The following PACS1 variants were observed in gnomAD, a reference collection of about 807,000 sequenced individuals.
PACS1 encodes PACS-1.
PACS1 carries 24 observed loss-of-function variants against 115.0 expected under a neutral mutation model. That is an observed-to-expected ratio of 0.21 (90% CI 0.15 to 0.29). The LOEUF is 0.29. Ranked by LOEUF, PACS1 falls within the 10% of genes least tolerant of loss-of-function variation. The pLI is 1.00. For missense variants in PACS1, 838 were observed against 1,251.2 expected, an observed-to-expected ratio of 0.67 and a Z score of 4.98; for synonymous variants, 453 against 504.5, an observed-to-expected ratio of 0.90 and a Z score of 1.37.
intron 7 of PACS1, chr11:66,219,505 G>A (rs565016395): frequency 1.5e-6 from 1 of 651,910 alleles, no homozygotes; most frequent in South Asian, 1.5e-5. Context: ...GGGCACAGGG[G>A]GGTGGAGGAC....
intron 1 of PACS1, among the ~76,000 whole-genome samples, chr11:66,167,701 G>A (rs1859639969): frequency 1.3e-5 from 2 of 150,210 alleles, no homozygotes; most frequent in East Asian, 3.9e-4. Flanking sequence ...CTATTTTTAT[G>A]TATGGTGTGA....
At position 66,244,551 on chromosome 11, in the gene PACS1, A is replaced by C. The variant is rs1855883208; in HGVS notation, c.*1271A>C. On this transcript the variant is annotated 3_prime_UTR_variant, in exon 24 of 24. Coordinates refer to ENST00000320580, the MANE Select transcript of PACS1 (RefSeq NM_018026.4). ...TCTTGTCCTCTCACTCCTTCCCAGA[A>C]GTTTTTGCACAGAACTTCATTTTGA... 6.6e-6 allele frequency: 1 copy of C among 152,332 alleles called. No individual in the cohort carries two copies. The highest frequency in any genetic ancestry group is 2.4e-5 in the African/African-American group (1 of 41,432). 9.4% of individuals were successfully genotyped at this position (152,332 alleles called of 1,614,324 possible). A position where few individuals can be genotyped will look rare whatever the true frequency, so the allele number is the denominator to read the frequency against.
chr11:66,134,426 C>T (rs1858791000), intron 1 of PACS1, among the ~76,000 whole-genome samples: 1 of 151,814 alleles, frequency 6.6e-6, no homozygotes, highest in Admixed American at 6.6e-5. Flanking sequence ...GCCACTACAC[C>T]TGGCTAGGTG....
chr11:66,238,234 C>T, intron 19 of PACS1: 1 of 985,344 alleles, frequency 1.0e-6, no homozygotes, highest in South Asian at 4.7e-5. Flanking sequence ...GGTGTCCACA[C>T]CTTAGCACGT....
chr11:66,111,316 G>A (rs1858182035), intron 1 of PACS1, among the ~76,000 whole-genome samples: 2 of 152,328 alleles, frequency 1.3e-5, no homozygotes, highest in South Asian at 4.1e-4. Flanking sequence ...ATTGTTGACT[G>A]CATGTTGTTC....
intron 1 of PACS1, among the ~76,000 whole-genome samples, chr11:66,172,617 C>CA (rs1859764933): frequency 6.6e-6 from 1 of 152,320 alleles, no homozygotes; most frequent in African/African-American, 2.4e-5. Flanking sequence ...GGCAACCTCA[C>CA]AAGAGATCCT....
At chr11:66,169,797 T>C (rs1401040986) in intron 1 of PACS1, among the ~76,000 whole-genome samples, 1 of 150,288 alleles carries the variant, frequency 6.7e-6, no homozygotes, top group Admixed American at 6.6e-5. Context: ...TGGCTAATTA[T>C]TTTTCTTTCT....
rs774096329 is a variant in PACS1 at position 66,232,224 on chromosome 11, C to G, written c.1679C>G (p.Ala560Gly). The G allele has an allele frequency of 6.2e-7, 1 of 1,613,454 alleles. No homozygotes were observed. Among genetic ancestry groups the G allele is most frequent in the African/African-American group, 1.3e-5 (1 of 74,922 alleles). Residue 560 changes from alanine to glycine, a missense_variant, in exon 14 of 24, where the codon GCA becomes GGA. Transcript: ENST00000320580. Reference protein sequence around the residue: ...DQLNQILVSDAALPENVILVN... With the variant: ...DQLNQILVSDGALPENVILVN... Reference sequence around the variant, plus strand: ...CTCAATCAGATCCTGGTGTCAGATGCAGCCCTCCCAGAAAATGTCATTCTG... The same window carrying G: ...CTCAATCAGATCCTGGTGTCAGATGGAGCCCTCCCAGAAAATGTCATTCTG...
intron 1 of PACS1, among the ~76,000 whole-genome samples, chr11:66,090,166 C>T (rs1333398846): frequency 6.6e-6 from 1 of 151,654 alleles, no homozygotes; most frequent in Non-Finnish European, 1.5e-5. Flanking sequence ...TTAGCCATAA[C>T]TTACAGAAAG....
chr11:66,166,979 C>A (rs1859619262), intron 1 of PACS1, among the ~76,000 whole-genome samples: 1 of 150,214 alleles, frequency 6.7e-6, no homozygotes, highest in East Asian at 1.9e-4. Context: ...TGTTTAGCCT[C>A]AAAAGATGAT....
chr11:66,136,424 T>A (rs1346252535), intron 1 of PACS1, among the ~76,000 whole-genome samples: 1 of 151,964 alleles, frequency 6.6e-6, no homozygotes, highest in Non-Finnish European at 1.5e-5. Flanking sequence ...TCATATCCTC[T>A]AACATCCCCA....
At chr11:66,163,363 A>G (rs1010737316) in intron 1 of PACS1, among the ~76,000 whole-genome samples, 9 of 151,964 alleles carry the variant, frequency 5.9e-5, no homozygotes, top group Non-Finnish European at 1.3e-4. Flanking sequence ...AAAAAAAAAA[A>G]AAAAAAAAAG....
chr11:66,186,481 T>C lies in PACS1; in HGVS notation c.357-7005T>C, dbSNP rs147449789. Reference sequence around the variant, plus strand: ...AACTCAGAATTTCAGCCCTCCCCGCTCTCCTCTGCCTCTTGCTCGCAATAC... The same window carrying C: ...AACTCAGAATTTCAGCCCTCCCCGCCCTCCTCTGCCTCTTGCTCGCAATAC... On this transcript the variant is annotated intron_variant, in intron 1 of 23. Coordinates refer to ENST00000320580, the MANE Select transcript of PACS1 (RefSeq NM_018026.4). Among the ~76,000 whole-genome samples the C allele has an allele frequency of 4.3e-4, 66 of 152,252 alleles. No individual in the cohort carries two copies. The East Asian group carries it at 0.012, about 27-fold the overall frequency.
chr11:66,097,426 A>G (rs1451246228), intron 1 of PACS1, among the ~76,000 whole-genome samples: 1 of 152,200 alleles, frequency 6.6e-6, no homozygotes, highest in Non-Finnish European at 1.5e-5. Flanking sequence ...ACAGCCAGCA[A>G]GAGACTGTGG....
intron 1 of PACS1, among the ~76,000 whole-genome samples, chr11:66,141,727 C>T (rs533476324): frequency 8.9e-4 from 135 of 151,758 alleles, no homozygotes; most frequent in Non-Finnish European, 1.6e-3. Flanking sequence ...CAGCCTCCTA[C>T]GTAATGGGCC....
intron 1 of PACS1, among the ~76,000 whole-genome samples, chr11:66,122,466 A>G (rs1163356274): frequency 6.6e-6 from 1 of 152,226 alleles, no homozygotes; most frequent in Non-Finnish European, 1.5e-5. Flanking sequence ...ACATTTTGTA[A>G]GGTTATAGCT....
chr11:66,225,884 C>T (rs1590833173), intron 10 of PACS1, among the ~76,000 whole-genome samples: 3 of 152,062 alleles, frequency 2.0e-5, no homozygotes, highest in South Asian at 4.1e-4. Context: ...TAATGTTGGC[C>T]GAGGCTGGGC....
At chr11:66,237,337 C>T (rs577606371) in intron 19 of PACS1, among the ~76,000 whole-genome samples, 1 of 152,386 alleles carries the variant, frequency 6.6e-6, no homozygotes, top group East Asian at 1.9e-4. Context: ...GCTGGGATTA[C>T]AGGCGTGAGC....
chr11:66,175,161 G>GAAA (rs200309361), intron 1 of PACS1, among the ~76,000 whole-genome samples: 1 of 130,688 alleles, frequency 7.7e-6, no homozygotes, highest in East Asian at 2.5e-4. Flanking sequence ...AACTCTGTCT[G>GAAA]AAAAAAAAAG....
Sources: allele counts gnomAD v4.1 joint callset (sites outside exome capture counted in the v4.1 genomes callset), GRCh38; gene constraint gnomAD v4.1.1; transcripts MANE v1.5; gene names NCBI Gene and HGNC (gene_info 2026-07-23, HGNC 2026-07-21).